MAD2L2: variants seen among roughly 807,000 people sequenced by gnomAD.
The protein encoded by MAD2L2 is mitotic arrest deficient 2 like 2, also known as mitotic spindle assembly checkpoint protein MAD2B.
Under a neutral mutation model 30.5 loss-of-function variants are expected in MAD2L2, and 17 were observed. The observed-to-expected ratio is 0.56, with a 90% CI of 0.38 to 0.84. MAD2L2 has a LOEUF of 0.84. Among genes scored for constraint, MAD2L2 ranks in the 40% least tolerant of loss-of-function variants. The pLI is 0.00. For missense variants in MAD2L2, 213 were observed against 277.4 expected, an observed-to-expected ratio of 0.77 and a Z score of 1.65; for synonymous variants, 101 against 113.9, an observed-to-expected ratio of 0.89 and a Z score of 0.72.
rs369390407 is a variant in MAD2L2 at position 11,676,644 on chromosome 1, A to G, written c.332+204T>C. ...CTTCTGTGTCCTGGGCTCTGCCCCCACCCAGGTGACCCTGGGTAGCTCATG... is the reference window on the plus strand; with the variant it reads ...CTTCTGTGTCCTGGGCTCTGCCCCCGCCCAGGTGACCCTGGGTAGCTCATG... On this transcript the variant is annotated intron_variant, in intron 5 of 8. Transcript: ENST00000376692. 1.4e-4 allele frequency among the ~76,000 whole-genome samples: 21 copies of G among 152,212 alleles called. 3 individuals are homozygous for G. Among genetic ancestry groups the G allele is most frequent in the East Asian group, 1.9e-4 (1 of 5,172 alleles).
chr1:11,685,156 TG>T (rs1640937380), upstream of MAD2L2, among the ~76,000 whole-genome samples: 1 of 152,174 alleles, frequency 6.6e-6, no homozygotes, highest in Non-Finnish European at 1.5e-5. Context: ...CTCGAACTCC[TG>T]GGCTCAAGTG....
Position 11,680,536 on chromosome 1 carries a change from C to CG in MAD2L2, c.40+25dup, listed in dbSNP as rs753393210. ...CCGCCGGCCCAGACGCCCCCGCCCCCGGGCCCGCAGGTCCAGCCTCCCTAC... is the reference window on the plus strand; with the variant it reads ...CCGCCGGCCCAGACGCCCCCGCCCCCGGGGCCCGCAGGTCCAGCCTCCCTAC... On this transcript the variant is annotated intron_variant, in intron 2 of 8. Transcript: ENST00000376692. 6.8e-6 allele frequency: 11 copies of CG among 1,609,096 alleles called. No homozygotes were observed. The South Asian group carries it at 1.2e-4, about 18-fold the overall frequency.
intron 1 of MAD2L2, among the ~76,000 whole-genome samples, chr1:11,691,129 A>G (rs1027620667): frequency 3.3e-5 from 5 of 152,036 alleles, no homozygotes; most frequent in Non-Finnish European, 5.9e-5. Flanking sequence ...CTGCGGCTAC[A>G]AAGGCCCCGC....
At chr1:11,680,738 A>C in intron 1 of MAD2L2, 125 bp from the exon 2 acceptor site, 1 of 1,434,256 alleles carries the variant, frequency 7.0e-7, no homozygotes, top group East Asian at 2.6e-5. Context: ...CGCTTCGCAC[A>C]GGCTCAGGGC....
chr1:11,678,085 G>C lies in MAD2L2; in HGVS notation c.160-471C>G, dbSNP rs953941915. On this transcript the variant is annotated intron_variant, in intron 3 of 8. Coordinates refer to ENST00000376692, the MANE Select transcript of MAD2L2 (RefSeq NM_006341.4). ...AAAAAAAAAAAAAACCAGAGGCTAA[G>C]AACTGTGAACTTATCCATAGAGAAA... Among the ~76,000 whole-genome samples the C allele has an allele frequency of 5.6e-5, 8 of 143,886 alleles. No individual in the cohort carries two copies. In the East Asian group the frequency reaches 1.6e-3, roughly 30 times the overall value. The allele number at this position is 143,886 out of a possible 152,430, so 94.4% of individuals were successfully genotyped here.
rs568513319 is a variant in MAD2L2 at position 11,677,633 on chromosome 1, G to T, written c.160-19C>A. 1.2e-6 allele frequency: 2 copies of T among 1,604,860 alleles called. No individual in the cohort carries two copies. The highest frequency in any genetic ancestry group is 1.7e-6 in the Non-Finnish European group (2 of 1,175,658). On this transcript the variant is annotated intron_variant, in intron 3 of 8. Coordinates refer to ENST00000376692, the MANE Select transcript of MAD2L2 (RefSeq NM_006341.4). ...AGGACATCTGCACACAATACCATGC[G>T]GCTCGTGAGGCCCAAAGCACAGATG...
In MAD2L2 at chr1:11,676,848, C is replaced by A. The variant is rs762759848; in HGVS notation, c.332G>T (p.Ser111Ile). The change falls in exon 5 of 9, where the codon AGC becomes ATC. Residue 111 changes from serine (S) to isoleucine (I), a missense_variant and splice_region_variant. By Grantham distance (142) the Ser-to-Ile change is moderately radical. Coordinates refer to ENST00000376692, the MANE Select transcript of MAD2L2 (RefSeq NM_006341.4). ...EITQPPLLSISSDSLLSHVEQ... is the reference protein window; with the variant it reads ...EITQPPLLSIISDSLLSHVEQ... ...TGGGCGAGGGGCAGGGGCAGCCCAC[C>A]TGATGGACAGCAGTGGAGGCTGGGT... is the stretch of plus-strand genomic sequence containing the variant. 1.2e-6 allele frequency: 2 copies of A among 1,613,632 alleles called. No individual in the cohort carries two copies. Among genetic ancestry groups the A allele is most frequent in the Non-Finnish European group, 1.7e-6 (2 of 1,179,530 alleles).
chr1:11,680,395 C>A lies in MAD2L2; in HGVS notation c.117G>T (p.Val39=). The change falls in exon 3 of 9, where the codon GTG becomes GTT. Residue 39 remains valine (V), a synonymous_variant. Transcript: ENST00000376692. Reference sequence around the variant, plus strand: ...ACTTCTTGCGTTTCTGGAAGATGCCCACGGGGTAGACCTCGCGCACGTAGA... The same window carrying A: ...ACTTCTTGCGTTTCTGGAAGATGCCAACGGGGTAGACCTCGCGCACGTAGA... ...LILYVREVYP[V]GIFQKRKKYN... is the part of the protein sequence containing the mutation. 1 of 1,614,018 alleles carries A rather than the reference C, an allele frequency of 6.2e-7. No homozygotes were observed. Among genetic ancestry groups the A allele is most frequent in the Non-Finnish European group, 8.5e-7 (1 of 1,179,990 alleles).
rs528545179 is a variant in MAD2L2, at chr1:11,677,563, C to T, written c.211G>A (p.Val71Ile). 7 of 1,613,844 alleles carry T rather than the reference C, an allele frequency of 4.3e-6. No individual in the cohort carries two copies. In the South Asian group the frequency reaches 5.5e-5, roughly 13 times the overall value. ...CTCACCTTCTCCAGGAGTGGCTTGACGCAGTGCAGCGTGTCCTGGATATAC... is the reference window on the plus strand; with the variant it reads ...CTCACCTTCTCCAGGAGTGGCTTGATGCAGTGCAGCGTGTCCTGGATATAC... ...NQYIQDTLHC[V>I]KPLLEKNDVE... Residue 71 changes from valine (V) to isoleucine (I), a missense_variant, in exon 4 of 9, where the codon GTC becomes ATC. By Grantham distance (29) the Val-to-Ile change is conservative (BLOSUM62 3). Coordinates refer to ENST00000376692, the MANE Select transcript of MAD2L2 (RefSeq NM_006341.4).
rs906946564 is a variant in MAD2L2 at position 11,675,737 on chromosome 1, G to A, written c.428-6C>T. ...CAGGACTGTGAAGGTACAGCCTGGA[G>A]AGGCAAGAGGTTGGTGGAGGCTCCC... On this transcript the variant is annotated splice_region_variant and splice_polypyrimidine_tract_variant and intron_variant, in intron 6 of 8. Coordinates refer to ENST00000376692, the MANE Select transcript of MAD2L2 (RefSeq NM_006341.4). The A allele has an allele frequency of 3.7e-6, 6 of 1,613,726 alleles. No homozygotes were observed. The highest frequency in any genetic ancestry group is 3.4e-6 in the Non-Finnish European group (4 of 1,179,750).
chr1:11,678,034 G>C (rs1379980016), intron 3 of MAD2L2, among the ~76,000 whole-genome samples: 1 of 139,336 alleles, frequency 7.2e-6, no homozygotes, highest in Non-Finnish European at 1.5e-5. Context: ...TGCAACATGG[G>C]CAACAGAGCG....
In MAD2L2 at chr1:11,674,669, G is replaced by C. The variant is rs556573965; in HGVS notation, c.*106C>G. The C allele has an allele frequency of 2.5e-5, 31 of 1,219,436 alleles. No individual in the cohort carries two copies. In the South Asian group the frequency reaches 3.1e-4, roughly 12 times the overall value. The allele number at this position is 1,219,436 out of a possible 1,614,324, so 75.5% of individuals were successfully genotyped here. A position where few individuals can be genotyped will look rare whatever the true frequency, so the allele number is the denominator to read the frequency against. ...GGCTGGGGCGGGCGATCCACACACA[G>C]AGGCGATAAGAGCACTTGGAATCAG... On this transcript the variant is annotated 3_prime_UTR_variant, in exon 9 of 9. Transcript: ENST00000376692. The surrounding 1 kb of genome is among the most constrained non-coding windows in gnomAD (Gnocchi z 6.1).
chr1:11,680,580 C>T lies in MAD2L2; in HGVS notation c.22G>A (p.Asp8Asn), dbSNP rs1640856643. 1 of 1,589,226 alleles carries T rather than the reference C, an allele frequency of 6.3e-7. No individual in the cohort carries two copies. The highest frequency in any genetic ancestry group is 8.6e-7 in the Non-Finnish European group (1 of 1,165,014). The change falls in exon 2 of 9, where the codon GAC becomes AAC. Residue 8 changes from aspartate to asparagine, a missense_variant. By Grantham distance (23) the Asp-to-Asn change is conservative. Transcript: ENST00000376692. ...TCCCTACCTTGGCCAAAGTTGAGGT[C>T]TTGTCGTGTGAGCGTGGTCATCCTT... MTTLTRQ[D>N]LNFGQVVADV...
chr1:11,682,442 G>T (rs1330841974), upstream of MAD2L2, among the ~76,000 whole-genome samples: 1 of 150,908 alleles, frequency 6.6e-6, no homozygotes, highest in Non-Finnish European at 1.5e-5. Context: ...AGAAGACCTG[G>T]ATCCCTCCCC....
chr1:11,676,804 C>T, intron 5 of MAD2L2, 44 bp downstream of exon 5: 1 of 1,509,330 alleles, frequency 6.6e-7, no homozygotes, highest in Non-Finnish European at 9.2e-7. Context: ...TTGCCAGAGA[C>T]ACACCTGATG....
rs9430208 is a variant in MAD2L2, at chr1:11,690,455, C to A, written c.-692+958G>T. Among the ~76,000 whole-genome samples, 59,409 of 152,022 alleles carry A rather than the reference C, an allele frequency of 0.39. 13,662 individuals carry two copies. Among genetic ancestry groups the A allele is most frequent in the African/African-American group, 0.66 (27,136 of 41,410 alleles). ...CTCCTTACACAGGGCACTGCATTCA[C>A]GCCTAGAACACTGAAATTTAGGTAT... On this transcript the variant is annotated intron_variant, in intron 1 of 10. Transcript: ENST00000235310. The surrounding 1 kb of genome is among the most constrained non-coding windows in gnomAD (Gnocchi z 4.2).
chr1:11,674,593 C>G lies in MAD2L2; in HGVS notation c.*182G>C. ...CTGAGAAGTCGAGGTTGCGGCATCC[C>G]TCACTGCCCTCCTGGGGGAGGCATC... On this transcript the variant is annotated 3_prime_UTR_variant, in exon 9 of 9. Coordinates refer to ENST00000376692, the MANE Select transcript of MAD2L2 (RefSeq NM_006341.4). This position sits in a 1 kb window ranked among gnomAD's most constrained non-coding sequence, Gnocchi z 6.1. 1 of 614,220 alleles carries G rather than the reference C, an allele frequency of 1.6e-6. No individual in the cohort carries two copies. Among genetic ancestry groups the G allele is most frequent in the Non-Finnish European group, 2.9e-6 (1 of 347,358 alleles). The allele number at this position is 614,220 out of a possible 1,614,324, so 38.0% of individuals were successfully genotyped here.
In MAD2L2 at chr1:11,676,053, G is replaced by A; in HGVS notation, c.420C>T (p.Asn140=). 8 of 1,613,106 alleles carry A rather than the reference G, an allele frequency of 5.0e-6. No individual in the cohort carries two copies. The highest frequency in any genetic ancestry group is 6.8e-6 in the Non-Finnish European group (8 of 1,179,450). The change falls in exon 6 of 9, where the codon AAC becomes AAT. Residue 140 remains asparagine (N), a synonymous_variant. Coordinates refer to ENST00000376692, the MANE Select transcript of MAD2L2 (RefSeq NM_006341.4). ...GGTGGGGAGTGGACACACCTGGGGG[G>A]TTGTGGTCCAGGACGGCATCGCACA... The part of the protein sequence containing the change: ...ISVCDAVLDH[N]PPGCTFTVLV...
intron 7 of MAD2L2, among the ~76,000 whole-genome samples, 162 bp from the exon 8 acceptor site, chr1:11,675,336 G>A (rs576056825): frequency 6.6e-6 from 1 of 152,202 alleles, no homozygotes; most frequent in South Asian, 2.1e-4. Context: ...ATCCCCCACA[G>A]AGGCCAAGTC....
Sources: gnomAD v4.1 joint callset for allele counts (sites outside exome capture counted in the v4.1 genomes callset) on GRCh38, gnomAD v4.1.1 for gene constraint, Gnocchi (gnomAD v3.1) non-coding constraint, MANE v1.5 for transcripts, NCBI Gene and HGNC (gene_info 2026-07-23, HGNC 2026-07-21) for gene names.